TTC3: variants seen among roughly 807,000 people sequenced by gnomAD.
The protein encoded by TTC3 is tetratricopeptide repeat domain 3, also known as E3 ubiquitin-protein ligase TTC3.
TTC3 carries 180 observed loss-of-function variants against 249.6 expected under a neutral mutation model. The observed-to-expected ratio is 0.72, with a 90% CI of 0.64 to 0.82. TTC3 has a LOEUF of 0.82. TTC3 is among the 40% of genes least tolerant of loss of function. The pLI is 0.00. For synonymous variants in TTC3, 717 were observed against 805.0 expected, an observed-to-expected ratio of 0.89 and a Z score of 1.85; for missense variants, 2,061 against 2,398.4, an observed-to-expected ratio of 0.86 and a Z score of 2.94.
intron 17 of TTC3, 84 bp downstream of exon 17, chr21:37,132,850 A>T (rs1044061557): frequency 1.0e-6 from 1 of 994,926 alleles, no homozygotes; most frequent in Non-Finnish European, 1.4e-6. Flanking sequence ...AATCATGTAC[A>T]TCTCTAAGTT....
In TTC3 at chr21:37,150,826, C is replaced by T. The variant is rs780122582; in HGVS notation, c.2218C>T (p.His740Tyr). The change falls in exon 25 of 46, where the codon CAC (histidine) becomes TAC (tyrosine). Residue 740 changes from histidine (H) to tyrosine (Y), a missense_variant. By Grantham distance (83) the His-to-Tyr change is moderately conservative. Around this residue, in one of 3 missense-constraint regions of TTC3, gnomAD observed 989 missense variants for 1,145.1 expected, o/e 0.86. Coordinates refer to ENST00000355666, the Ensembl canonical transcript of TTC3. ...GTCTTTGTTTTATTTAAAGTTTGAA[C>T]ACAAGGTCATAAAAGAAAAGGTTCC... The T allele has an allele frequency of 5.0e-6, 8 of 1,610,414 alleles. No individual in the cohort carries two copies. In the South Asian group the frequency reaches 8.8e-5, roughly 18 times the overall value.
intron 1 of TTC3, among the ~76,000 whole-genome samples, chr21:37,081,127 T>TTTC (rs2071590133): frequency 7.2e-6 from 1 of 138,952 alleles, no homozygotes; most frequent in African/African-American, 2.7e-5. Context: ...TTTTTTTTTT[T>TTTC]TTTTTTTTTG....
chr21:37,101,569 C>CA (rs1190719036), intron 10 of TTC3, among the ~76,000 whole-genome samples: 2 of 266 alleles, frequency 7.5e-3, no homozygotes, highest in African/African-American at 0.017. Flanking sequence ...AAGGTACACT[C>CA]GCCAGCTCTG....
chr21:37,086,285 C>T (rs1018263469), intron 1 of TTC3: 1 of 151,984 alleles, frequency 6.6e-6, no homozygotes, highest in Non-Finnish European at 1.5e-5. Context: ...GTGATAGGTA[C>T]AAGTAATAGT....
At chr21:37,201,670 G>A (rs2085520728) in exon 46 of TTC3, 1 of 1,462,464 alleles carries the variant, frequency 6.8e-7, no homozygotes, top group East Asian at 2.3e-5. Flanking sequence ...GAAGACCCTT[G>A]TGCATTGTGT....
intron 28 of TTC3, among the ~76,000 whole-genome samples, chr21:37,158,699 C>G (rs1296202956): frequency 6.6e-6 from 1 of 152,106 alleles, no homozygotes; most frequent in African/African-American, 2.4e-5. Context: ...CTTCAGAGAT[C>G]TGTTTTTCCT....
intron 14 of TTC3, among the ~76,000 whole-genome samples, chr21:37,125,155 AT>A (rs140721074): frequency 0.013 from 1,926 of 152,268 alleles, 43 homozygotes; most frequent in African/African-American, 0.043. Flanking sequence ...TTCCAGCTGG[AT>A]CTGAAGCTAA....
exon 33 of TTC3, chr21:37,165,862 A>G: frequency 2.5e-6 from 4 of 1,614,236 alleles, no homozygotes; most frequent in Non-Finnish European, 2.5e-6. Flanking sequence ...AATTTAAACC[A>G]GATGTAAAGT....
intron 20 of TTC3, 41 bp downstream of exon 20, chr21:37,140,714 C>G: frequency 1.4e-6 from 2 of 1,385,690 alleles, no homozygotes; most frequent in Non-Finnish European, 2.0e-6. Context: ...AGGCTGGTAA[C>G]TCATTTAAAA....
At chr21:37,179,084 C>T (rs769615624) in intron 35 of TTC3, among the ~76,000 whole-genome samples, 4 of 151,950 alleles carry the variant, frequency 2.6e-5, no homozygotes, top group Non-Finnish European at 5.9e-5. Context: ...CCAGCCAGGG[C>T]GATGTGATGA....
intron 33 of TTC3, 29 bp downstream of exon 33, chr21:37,166,644 A>G: frequency 6.5e-7 from 1 of 1,549,706 alleles, no homozygotes; most frequent in East Asian, 2.3e-5. Context: ...AGTCTTCTTA[A>G]TACTGAAGTT....
exon 27 of TTC3, chr21:37,153,223 C>A: frequency 6.2e-7 from 1 of 1,614,016 alleles, no homozygotes; most frequent in Non-Finnish European, 8.5e-7. Flanking sequence ...TTTGAGTGAG[C>A]TTAAAGAAGT....
chr21:37,187,940 GAC>G (rs1482020192), intron 38 of TTC3: 5 of 152,204 alleles, frequency 3.3e-5, no homozygotes, highest in African/African-American at 1.2e-4. Context: ...CAAGTTTACT[GAC>G]ACCTGGATTA....
At chr21:37,134,310 G>T (rs543009994) in intron 17 of TTC3, among the ~76,000 whole-genome samples, 97 of 152,206 alleles carry the variant, frequency 6.4e-4, no homozygotes, top group African/African-American at 2.2e-3. Context: ...AATTAGCTGG[G>T]TGTGGTGGCG....
intron 21 of TTC3, 42 bp downstream of exon 21, chr21:37,144,687 T>C (rs1013935840): frequency 1.3e-6 from 2 of 1,585,810 alleles, no homozygotes; most frequent in African/African-American, 2.7e-5. Context: ...CTGTGAATGC[T>C]TATCTGCATT....
In TTC3 at chr21:37,076,694, A is replaced by ATTTTTTTT. The variant is rs61629167; in HGVS notation, c.-12+3349_-12+3356dup. ...AAACTCCCTTGGGGAAAACAAAGGG[A>ATTTTTTTT]TTTTTTTTTTTTTTTTTTTTTTTTT... On this transcript the variant is annotated intron_variant, in intron 1 of 45. Transcript: ENST00000355666. Among the ~76,000 whole-genome samples the ATTTTTTTT allele has an allele frequency of 7.2e-3, 680 of 94,918 alleles. 42 individuals are homozygous for ATTTTTTTT. The highest frequency in any genetic ancestry group is 8.9e-3 in the Non-Finnish European group (465 of 52,416). The allele number at this position is 94,918 out of a possible 152,430, so 62.3% of individuals were successfully genotyped here. A position where few individuals can be genotyped will look rare whatever the true frequency, so the allele number is the denominator to read the frequency against.
At chr21:37,119,375 A>C (rs749078930) in intron 11 of TTC3, among the ~76,000 whole-genome samples, 1 of 152,048 alleles carries the variant, frequency 6.6e-6, no homozygotes, top group Non-Finnish European at 1.5e-5. Context: ...ATTATTCCTG[A>C]TTTGTTTCCG....
At chr21:37,144,485 T>C in intron 20 of TTC3, 40 bp from the exon 21 acceptor site, 1 of 1,591,518 alleles carries the variant, frequency 6.3e-7, no homozygotes, top group Admixed American at 1.8e-5. Context: ...GAAAATACCA[T>C]TTTACATCTT....
At chr21:37,107,748 A>G (rs555498758) in intron 10 of TTC3, 1 of 152,258 alleles carries the variant, frequency 6.6e-6, no homozygotes, top group African/African-American at 2.4e-5. Flanking sequence ...TACATTTGGA[A>G]AGTCTTACTG....
Sources: allele counts gnomAD v4.1 joint callset (sites outside exome capture counted in the v4.1 genomes callset), GRCh38; gene constraint gnomAD v4.1.1; regional missense constraint gnomAD v4.1.1; transcripts MANE v1.5; gene names NCBI Gene and HGNC (gene_info 2026-07-23, HGNC 2026-07-21).